The following LMF1 variants were observed in gnomAD, a reference collection of about 807,000 sequenced individuals.
LMF1 encodes lipase maturation factor 1.
A neutral mutation model predicts 60.6 loss-of-function variants in LMF1; 68 were observed. The ratio of observed to expected loss-of-function variants is 1.12; its 90% CI spans 0.92 to 1.37. The LOEUF (loss-of-function observed/expected upper bound fraction) is 1.37, where lower values mean the gene tolerates loss of function less well. Among genes scored for constraint, LMF1 ranks in the 40% most tolerant of loss-of-function variants. The pLI, the probability that LMF1 is intolerant of heterozygous loss-of-function variation, is 0.00. For synonymous variants in LMF1, 418 were observed against 324.7 expected, an observed-to-expected ratio of 1.29 and a Z score of -3.09; for missense variants, 948 against 767.2, an observed-to-expected ratio of 1.24 and a Z score of -2.78.
At chr16:882,761 G>T (rs1364511083) in intron 5 of LMF1, among the ~76,000 whole-genome samples, 2 of 150,204 alleles carry the variant, frequency 1.3e-5, no homozygotes, top group Admixed American at 6.6e-5. Flanking sequence ...GGAGAAAGAG[G>T]AGCTGCCCAG....
intron 3 of LMF1, among the ~76,000 whole-genome samples, chr16:927,523 C>T (rs1325198790): frequency 4.6e-5 from 7 of 152,248 alleles, no homozygotes; most frequent in Admixed American, 1.3e-4. Context: ...CGGCAGAGGC[C>T]GTGGAGGCTG....
chr16:890,567 A>AC (rs111384518), intron 5 of LMF1, among the ~76,000 whole-genome samples: 2,008 of 152,178 alleles, frequency 0.013, 47 homozygotes, highest in African/African-American at 0.046. Flanking sequence ...AAGGGCCCTG[A>AC]CCTCACACAC....
intron 3 of LMF1, among the ~76,000 whole-genome samples, chr16:914,999 G>A (rs1475525051): frequency 2.0e-5 from 3 of 152,246 alleles, no homozygotes; most frequent in African/African-American, 4.8e-5. Context: ...CTCCGGCCTC[G>A]CTGCTGCCTG....
In LMF1 at chr16:954,562, C is replaced by A; in HGVS notation, c.298G>T (p.Asp100Tyr). The A allele has an allele frequency of 6.2e-7, 1 of 1,613,296 alleles. No homozygotes were observed. The highest frequency in any genetic ancestry group is 8.5e-7 in the Non-Finnish European group (1 of 1,179,846). Residue 100 changes from aspartate to tyrosine, a missense_variant, in exon 2 of 11, where the codon GAC becomes TAC. Physicochemically the swap from Asp to Tyr is radical, Grantham distance 160. Transcript: ENST00000262301. ...FLKNFQQYFQDRTSWEVFSYM... is the reference protein window; with the variant it reads ...FLKNFQQYFQYRTSWEVFSYM... Reference sequence around the variant, plus strand: ...CTGAAGACTTCCCAGCTCGTCCTGTCCTGGAAGTACTGCTGGAAGTTCTTC... The same window carrying A: ...CTGAAGACTTCCCAGCTCGTCCTGTACTGGAAGTACTGCTGGAAGTTCTTC...
intron 5 of LMF1, among the ~76,000 whole-genome samples, chr16:885,610 C>A (rs1050256818): frequency 6.6e-6 from 1 of 152,192 alleles, no homozygotes; most frequent in African/African-American, 2.4e-5. Flanking sequence ...AGACAAAGCA[C>A]AATTCAGAGC....
intron 3 of LMF1, among the ~76,000 whole-genome samples, chr16:920,585 G>A (rs1020094447): frequency 3.3e-5 from 5 of 152,226 alleles, no homozygotes; most frequent in Non-Finnish European, 5.9e-5. Context: ...ACACCACACA[G>A]AAGCACAGGG....
intron 1 of LMF1, chr16:979,210 T>C: frequency 2.4e-6 from 1 of 414,272 alleles, no homozygotes; most frequent in Non-Finnish European, 4.9e-6. Context: ...TCAGGCCTAG[T>C]GGCTCACACC....
chr16:868,802 C>T, intron 10 of LMF1, 142 bp downstream of exon 10: 1 of 620,652 alleles, frequency 1.6e-6, no homozygotes, highest in Non-Finnish European at 2.9e-6. Flanking sequence ...TTTTTGCTCC[C>T]AGCAGGCCCC....
At chr16:933,785 C>A (rs2071860069) in intron 3 of LMF1, 2 of 402,006 alleles carry the variant, frequency 5.0e-6, no homozygotes, top group Admixed American at 7.6e-5. Context: ...CTCTTCCCAC[C>A]CTCCAGTATT....
At chr16:980,013 A>G in intron 1 of LMF1, 1 of 332,030 alleles carries the variant, frequency 3.0e-6, no homozygotes, top group African/African-American at 2.2e-5. Flanking sequence ...GAGCCAAGCG[A>G]GATGGTGGGA....
intron 10 of LMF1, among the ~76,000 whole-genome samples, chr16:864,700 C>T (rs2069563835): frequency 6.7e-6 from 1 of 149,598 alleles, no homozygotes; most frequent in Non-Finnish European, 1.5e-5. Flanking sequence ...TTGTGTCGCA[C>T]AGGCTGGAGT....
chr16:894,889 C>T (rs1193965203), intron 4 of LMF1, among the ~76,000 whole-genome samples: 1 of 152,230 alleles, frequency 6.6e-6, no homozygotes, highest in Non-Finnish European at 1.5e-5. Flanking sequence ...ATTCGGGGAA[C>T]ACGATCTGTT....
intron 10 of LMF1, among the ~76,000 whole-genome samples, chr16:858,804 G>A (rs369834898): frequency 8.6e-4 from 45 of 52,562 alleles, no homozygotes; most frequent in Admixed American, 1.4e-3. Flanking sequence ...GGTGTGAGTG[G>A]TGTCTCGGGA....
intron 2 of LMF1, among the ~76,000 whole-genome samples, chr16:945,230 G>GAAAAAAAAAAAAAAA (rs1555470147): frequency 1.1e-5 from 1 of 87,686 alleles, no homozygotes. Context: ...AAAAAAAAAG[G>GAAAAAAAAAAAAAAA]AAAATATTTG....
intron 4 of LMF1, chr16:901,751 C>T (rs2151743297): frequency 6.6e-6 from 1 of 152,414 alleles, no homozygotes; most frequent in South Asian, 2.1e-4. Context: ...CCATCTGGGT[C>T]CACGTGGCTT....
At position 874,573 on chromosome 16, in the gene LMF1, G is replaced by A. The variant is rs2069913432; in HGVS notation, c.898-3232C>T. ...CTCTCCAGGCAGGCAGCGGCCCCAGGGCCCCGCGGAACCCTCCGGAACAGC... is the reference window on the plus strand; with the variant it reads ...CTCTCCAGGCAGGCAGCGGCCCCAGAGCCCCGCGGAACCCTCCGGAACAGC... On this transcript the variant is annotated intron_variant, in intron 6 of 10. Coordinates refer to ENST00000262301, the MANE Select transcript of LMF1 (RefSeq NM_022773.4). The surrounding 1 kb of genome is among the most constrained non-coding windows in gnomAD (Gnocchi z 4.1). 6.6e-6 allele frequency among the ~76,000 whole-genome samples: 1 copy of A among 152,188 alleles called. No individual in the cohort carries two copies. The highest frequency in any genetic ancestry group is 2.1e-4 in the South Asian group (1 of 4,836).
chr16:872,472 TTTC>T (rs1157184354), intron 6 of LMF1: 1 of 152,284 alleles, frequency 6.6e-6, no homozygotes, highest in Non-Finnish European at 1.5e-5. Context: ...AAAACAGTTA[TTTC>T]TTATTCTCCA....
intron 3 of LMF1, among the ~76,000 whole-genome samples, chr16:919,072 C>T (rs1291742258): frequency 3.3e-5 from 5 of 152,132 alleles, no homozygotes; most frequent in Non-Finnish European, 7.4e-5. Context: ...GGGCAGTCGG[C>T]ATGTCGGCGT....
At chr16:979,805 G>A in intron 1 of LMF1, 2 of 453,166 alleles carry the variant, frequency 4.4e-6, no homozygotes, top group Non-Finnish European at 8.8e-6. Context: ...GTTTGGACCG[G>A]ACCCCCACCC....
Sources: allele counts gnomAD v4.1 joint callset (sites outside exome capture counted in the v4.1 genomes callset), GRCh38; gene constraint gnomAD v4.1.1; non-coding constraint Gnocchi (gnomAD v3.1); transcripts MANE v1.5; gene names NCBI Gene and HGNC (gene_info 2026-07-23, HGNC 2026-07-21).